PCNT: variants seen among roughly 807,000 people sequenced by gnomAD.
The protein encoded by PCNT is pericentrin.
Under a neutral mutation model 380.4 loss-of-function variants are expected in PCNT, and 319 were observed. The ratio of observed to expected loss-of-function variants is 0.84; its 90% CI spans 0.77 to 0.92. The LOEUF is 0.92. Among genes scored for constraint, PCNT ranks in the 40% least tolerant of loss-of-function variants. The probability of loss-of-function intolerance (pLI) is 0.00; values close to 1 mark genes in which losing one functional copy is unlikely to be tolerated. For synonymous variants in PCNT, 1,845 were observed against 1,735.2 expected, an observed-to-expected ratio of 1.06 and a Z score of -1.57; for missense variants, 4,400 against 4,255.3, an observed-to-expected ratio of 1.03 and a Z score of -0.95.
intron 35 of PCNT, among the ~76,000 whole-genome samples, chr21:46,429,786 CTG>C (rs963336993): frequency 2.4e-4 from 36 of 152,214 alleles, no homozygotes; most frequent in Admixed American, 1.0e-3. Context: ...CTCCTGGACT[CTG>C]TGTCTCCCGG....
At position 46,381,797 on chromosome 21, in the gene PCNT, CTT is replaced by C. The variant is rs749311817; in HGVS notation, c.3271_3272del (p.Leu1091ValfsTer102). ...CCTTTTCACCAAGAGGAGAAAGAGT[CTT>C]TGTCTCTGCAGCTTCAAAAGAAGAA... On this transcript the variant is annotated frameshift_variant, in exon 16 of 47. Coordinates refer to ENST00000359568, the MANE Select transcript of PCNT (RefSeq NM_006031.6). LOFTEE classifies it high-confidence loss of function. The C allele has an allele frequency of 5.0e-6, 8 of 1,614,106 alleles. No homozygotes were observed. Among genetic ancestry groups the C allele is most frequent in the Admixed American group, 3.3e-5 (2 of 60,012 alleles).
rs1414549517 is a variant in PCNT, at chr21:46,325,182, A to C, written c.54+900A>C. ...AGGGAGTCCCGAAAGCGCGAGGCGG[A>C]ACCGCGGGAGCAGGCCGGCCTCTGC... On this transcript the variant is annotated intron_variant, in intron 1 of 46. Transcript: ENST00000359568. 1.0e-5 allele frequency: 10 copies of C among 985,648 alleles called. No homozygotes were observed. The East Asian group carries it at 9.1e-4, about 89-fold the overall frequency. The allele number at this position is 985,648 out of a possible 1,614,324, so 61.1% of individuals were successfully genotyped here.
chr21:46,347,414 G>A (rs2084108845), intron 5 of PCNT, 43 bp from the exon 6 acceptor site: 2 of 1,608,878 alleles, frequency 1.2e-6, no homozygotes, highest in African/African-American at 1.3e-5. Flanking sequence ...CACTGAAAAG[G>A]TTGAGATGGA....
chr21:46,329,317 G>T (rs545596916), intron 2 of PCNT, among the ~76,000 whole-genome samples: 1 of 152,296 alleles, frequency 6.6e-6, no homozygotes, highest in South Asian at 2.1e-4. Context: ...TCAGGAAGAT[G>T]ATCTGATGAA....
At chr21:46,325,059 C>T in intron 1 of PCNT, 1 of 985,532 alleles carries the variant, frequency 1.0e-6, no homozygotes, top group South Asian at 4.7e-5. Flanking sequence ...TTTCTCCCGC[C>T]CCGGGTTTCT....
Position 46,389,296 on chromosome 21 carries a change from C to T in PCNT, c.3705C>T (p.Ser1235=). ...AGATGTCTTCCGTGGCTGAAATTAG[C>T]AGCCACATGCGTGAAAGCTTTCTCA... is the stretch of plus-strand genomic sequence containing the variant. ...CAEMSSVAEI[S]SHMRESFLMS... The change falls in exon 19 of 47, where the codon AGC becomes AGT. Residue 1235 remains serine (S), a synonymous_variant. Transcript: ENST00000359568. The T allele has an allele frequency of 6.2e-7, 1 of 1,614,224 alleles. No homozygotes were observed. The highest frequency in any genetic ancestry group is 1.3e-5 in the African/African-American group (1 of 75,068).
At chr21:46,428,276 C>T (rs2087593268) in intron 34 of PCNT, 119 bp from the exon 35 acceptor site, 5 of 898,740 alleles carry the variant, frequency 5.6e-6, no homozygotes, top group Admixed American at 4.0e-5. Context: ...TACTGTGCAC[C>T]CATCCCAGAC....
chr21:46,364,776 G>A (rs76933303), intron 14 of PCNT, among the ~76,000 whole-genome samples: 7,166 of 152,270 alleles, frequency 0.047, 221 homozygotes, highest in Non-Finnish European at 0.063. Flanking sequence ...GCCGCACAGG[G>A]CCCCGCTCAG....
chr21:46,369,801 CT>C (rs2085053473), intron 15 of PCNT, among the ~76,000 whole-genome samples: 1 of 152,204 alleles, frequency 6.6e-6, no homozygotes, highest in South Asian at 2.1e-4. Flanking sequence ...TCAGAGACGC[CT>C]GCTGGAGGCA....
intron 12 of PCNT, among the ~76,000 whole-genome samples, chr21:46,355,885 G>A (rs2084456859): frequency 6.6e-6 from 1 of 152,198 alleles, no homozygotes; most frequent in Non-Finnish European, 1.5e-5. Context: ...AGCCACCCTG[G>A]GGGTCATGGG....
intron 28 of PCNT, among the ~76,000 whole-genome samples, chr21:46,412,481 G>T (rs1448913342): frequency 6.6e-6 from 1 of 152,172 alleles, no homozygotes; most frequent in Non-Finnish European, 1.5e-5. Context: ...GGAGCTGGAG[G>T]CCCTGTAGGG....
chr21:46,442,659 T>C (rs2053640066), intron 44 of PCNT, 86 bp downstream of exon 44: 1 of 872,746 alleles, frequency 1.1e-6, no homozygotes, highest in Non-Finnish European at 1.9e-6. Context: ...CATTTTTCAG[T>C]GTTGATGGGG....
At chr21:46,420,225 A>G (rs2087195196) in intron 31 of PCNT, among the ~76,000 whole-genome samples, 1 of 152,076 alleles carries the variant, frequency 6.6e-6, no homozygotes, top group Non-Finnish European at 1.5e-5. Context: ...TCCTCCATTC[A>G]CGTATCCTAT....
intron 12 of PCNT, among the ~76,000 whole-genome samples, chr21:46,356,697 G>T (rs2084491271): frequency 6.6e-6 from 1 of 152,262 alleles, no homozygotes; most frequent in South Asian, 2.1e-4. Flanking sequence ...TGACCTGAAG[G>T]AGTAGCCTGG....
At chr21:46,400,247 G>A (rs901457742) in intron 25 of PCNT, among the ~76,000 whole-genome samples, 1 of 152,076 alleles carries the variant, frequency 6.6e-6, no homozygotes, top group Non-Finnish European at 1.5e-5. Context: ...GTGTGTGTTC[G>A]TTTGTGTCTG....
At chr21:46,330,601 A>G (rs2083528204) in intron 2 of PCNT, among the ~76,000 whole-genome samples, 1 of 151,446 alleles carries the variant, frequency 6.6e-6, no homozygotes. Flanking sequence ...TGATTATATC[A>G]TTGTACATCA....
At chr21:46,350,318 G>A (rs1376880579) in intron 8 of PCNT, among the ~76,000 whole-genome samples, 1 of 152,128 alleles carries the variant, frequency 6.6e-6, no homozygotes, top group Non-Finnish European at 1.5e-5. Context: ...CTTTGCAGGC[G>A]TCCCTGAGAC....
chr21:46,342,189 C>T (rs180946984), intron 3 of PCNT, among the ~76,000 whole-genome samples: 42 of 152,234 alleles, frequency 2.8e-4, no homozygotes, highest in Non-Finnish European at 5.7e-4. Context: ...TCACTGCAAC[C>T]TCTGCCTCCT....
chr21:46,411,536 G>A lies in PCNT; in HGVS notation c.5463G>A (p.Gln1821=). The A allele has an allele frequency of 2.5e-6, 4 of 1,611,006 alleles. No homozygotes were observed. Among genetic ancestry groups the A allele is most frequent in the Non-Finnish European group, 3.4e-6 (4 of 1,178,934 alleles). The part of the protein sequence containing the change: ...RRHSQALEAL[Q]QRLQGAEEAA... ...ACAGCCAGGCCCTGGAGGCCCTGCA[G>A]CAGCGCCTCCAGGGCGCAGAGGAGG... The change falls in exon 28 of 47, where the codon CAG becomes CAA. Residue 1821 remains glutamine, a synonymous_variant. Transcript: ENST00000359568.
Sources: gnomAD v4.1 joint callset for allele counts (sites outside exome capture counted in the v4.1 genomes callset) on GRCh38, gnomAD v4.1.1 for gene constraint, MANE v1.5 for transcripts, NCBI Gene and HGNC (gene_info 2026-07-23, HGNC 2026-07-21) for gene names.